Variants in CAMKMT observed in about 807,000 individuals in gnomAD.
The protein encoded by CAMKMT is calmodulin-lysine N-methyltransferase.
CAMKMT carries 53 observed loss-of-function variants against 48.0 expected under a neutral mutation model. The observed-to-expected ratio is 1.10, with a 90% confidence interval of 0.89 to 1.39. The LOEUF (loss-of-function observed/expected upper bound fraction) is 1.39. Among genes scored for constraint, CAMKMT ranks in the 40% most tolerant of loss-of-function variants. The pLI is 0.00. For missense variants in CAMKMT, 428 were observed against 402.7 expected (o/e 1.06, Z -0.54); for synonymous variants, 165 against 152.3 (o/e 1.08, Z -0.61).
chr2:44,713,341 C>A (rs979553791), intron 6 of CAMKMT, among the ~76,000 whole-genome samples: 1 of 152,066 alleles, frequency 6.6e-6, no homozygotes, highest in African/African-American at 2.4e-5. Flanking sequence ...TTATGGCATG[C>A]GGTTGGATGC....
chr2:44,646,960 A>T (rs1245359598), intron 3 of CAMKMT, among the ~76,000 whole-genome samples: 3 of 152,204 alleles, frequency 2.0e-5, no homozygotes, highest in African/African-American at 7.2e-5. Context: ...GCTATTAGGG[A>T]AAGTATATTT....
At chr2:44,471,555 G>A (rs2104652021) in intron 3 of CAMKMT, among the ~76,000 whole-genome samples, 1 of 152,060 alleles carries the variant, frequency 6.6e-6, no homozygotes, top group South Asian at 2.1e-4. Context: ...AGCCATGATT[G>A]TGCCAATACA....
intron 3 of CAMKMT, among the ~76,000 whole-genome samples, chr2:44,578,842 G>A (rs983217477): frequency 6.6e-6 from 1 of 152,224 alleles, no homozygotes; most frequent in African/African-American, 2.4e-5. Flanking sequence ...GTACTAGTCA[G>A]TAAATAGTAG....
chr2:44,661,914 C>A (rs940595841), intron 3 of CAMKMT, among the ~76,000 whole-genome samples: 3 of 152,152 alleles, frequency 2.0e-5, no homozygotes, highest in African/African-American at 7.2e-5. Flanking sequence ...CCTTGCTGGG[C>A]CCTGTGAATC....
chr2:44,561,433 A>G (rs2103694495), intron 3 of CAMKMT, among the ~76,000 whole-genome samples: 1 of 152,330 alleles, frequency 6.6e-6, no homozygotes, highest in East Asian at 1.9e-4. Flanking sequence ...TATTCTGAAC[A>G]TACAGTTTAC....
intron 3 of CAMKMT, among the ~76,000 whole-genome samples, chr2:44,440,582 T>C (rs866442727): frequency 1.8e-4 from 27 of 152,164 alleles, no homozygotes; most frequent in African/African-American, 6.5e-4. Flanking sequence ...TGATAAAATT[T>C]AATTTAATAA....
At chr2:44,763,960 A>C (rs1385055370) in intron 9 of CAMKMT, among the ~76,000 whole-genome samples, 1 of 151,888 alleles carries the variant, frequency 6.6e-6, no homozygotes, top group Non-Finnish European at 1.5e-5. Context: ...AACAGCTTCC[A>C]TTATTCAAAA....
chr2:44,549,968 T>C (rs1377082641), intron 3 of CAMKMT, among the ~76,000 whole-genome samples: 1 of 152,174 alleles, frequency 6.6e-6, no homozygotes, highest in Non-Finnish European at 1.5e-5. Flanking sequence ...CCTGCCTGAA[T>C]TGAAAGTCAT....
intron 3 of CAMKMT, among the ~76,000 whole-genome samples, chr2:44,630,576 A>G (rs1466605887): frequency 6.6e-6 from 1 of 151,758 alleles, no homozygotes; most frequent in Non-Finnish European, 1.5e-5. Flanking sequence ...CCCATCAAAA[A>G]GTGGGCGAAG....
chr2:44,771,903 C>A, intron 10 of CAMKMT, 133 bp from the exon 11 acceptor site: 1 of 582,180 alleles, frequency 1.7e-6, no homozygotes, highest in Non-Finnish European at 3.0e-6. Context: ...CTTTGAGTTG[C>A]TTTTCTGTGA....
At chr2:44,374,611 C>G (rs1319313724) in intron 2 of CAMKMT, among the ~76,000 whole-genome samples, 2 of 152,196 alleles carry the variant, frequency 1.3e-5, no homozygotes, top group Non-Finnish European at 2.9e-5. Flanking sequence ...TCTTTCAAAG[C>G]AAGTCATGGT....
At chr2:44,661,408 T>TG (rs1674673563) in intron 3 of CAMKMT, among the ~76,000 whole-genome samples, 1 of 145,774 alleles carries the variant, frequency 6.9e-6, no homozygotes, top group Admixed American at 7.3e-5. Flanking sequence ...CACTGTTTCC[T>TG]GGGTTCAAGC....
Position 44,739,145 on chromosome 2 carries a change from C to T in CAMKMT, c.624-4477C>T, listed in dbSNP as rs956867997. ...GCTCTGAGTGAAGAGAGAAAAGGCT[C>T]ATGATCTGATACATGTTTTAAAAGA... On this transcript the variant is annotated intron_variant, in intron 7 of 10. Coordinates refer to ENST00000378494, the MANE Select transcript of CAMKMT (RefSeq NM_024766.5). 5.3e-5 allele frequency among the ~76,000 whole-genome samples: 8 copies of T among 152,172 alleles called. No homozygotes were observed. The East Asian group carries it at 1.5e-3, about 29-fold the overall frequency.
intron 2 of CAMKMT, 98 bp from the exon 3 acceptor site, chr2:44,390,143 G>T: frequency 1.3e-6 from 1 of 799,762 alleles, no homozygotes; most frequent in South Asian, 1.6e-5. Context: ...TATTGCTATT[G>T]GGTATACCAT....
intron 3 of CAMKMT, among the ~76,000 whole-genome samples, chr2:44,592,244 A>T (rs919713322): frequency 5.9e-5 from 9 of 152,022 alleles, no homozygotes; most frequent in African/African-American, 2.2e-4. Flanking sequence ...TAAACTACGA[A>T]TTCATTTTTT....
intron 3 of CAMKMT, among the ~76,000 whole-genome samples, chr2:44,417,262 G>A (rs924463287): frequency 2.0e-5 from 3 of 152,136 alleles, no homozygotes; most frequent in Non-Finnish European, 4.4e-5. Flanking sequence ...GGGCGTGGTA[G>A]TGCACACCTG....
intron 3 of CAMKMT, among the ~76,000 whole-genome samples, chr2:44,652,082 T>C (rs1281549762): frequency 6.6e-6 from 1 of 152,242 alleles, no homozygotes; most frequent in Admixed American, 6.5e-5. Context: ...TCATTCACTG[T>C]AGTTTTGTTT....
chr2:44,533,766 G>C (rs1355532999), intron 3 of CAMKMT, among the ~76,000 whole-genome samples: 1 of 152,090 alleles, frequency 6.6e-6, no homozygotes, highest in African/African-American at 2.4e-5. Flanking sequence ...GGACTCAAAT[G>C]TTACCGCTAA....
chr2:44,741,593 G>A (rs1253806746), intron 7 of CAMKMT, among the ~76,000 whole-genome samples: 9 of 152,196 alleles, frequency 5.9e-5, no homozygotes, highest in Admixed American at 3.3e-4. Context: ...TGCTAAAGCT[G>A]AACTCTGTCC....
Sources: allele counts gnomAD v4.1 joint callset (sites outside exome capture counted in the v4.1 genomes callset), GRCh38; gene constraint gnomAD v4.1.1; transcripts MANE v1.5; gene names NCBI Gene and HGNC (gene_info 2026-07-23, HGNC 2026-07-21).